TYW1: variants seen among roughly 807,000 people sequenced by gnomAD.
The protein encoded by TYW1 is tRNA-yW synthesizing protein 1 homolog.
Under a neutral mutation model 96.2 loss-of-function variants are expected in TYW1, and 46 were observed. The ratio of observed to expected loss-of-function variants is 0.48; its 90% confidence interval spans 0.38 to 0.61. TYW1 has a LOEUF of 0.61. TYW1 is among the 20% of genes least tolerant of loss of function. TYW1 has a pLI of 0.00. For missense variants in TYW1, 684 were observed against 909.6 expected (o/e 0.75, Z 3.19); for synonymous variants, 274 against 323.0 (o/e 0.85, Z 1.63).
intron 7 of TYW1, among the ~76,000 whole-genome samples, chr7:67,032,343 G>A (rs1278287291): frequency 1.3e-5 from 2 of 152,150 alleles, no homozygotes; most frequent in African/African-American, 4.8e-5. Context: ...AGGAGGCCTG[G>A]CGTGCTGAAT....
At chr7:67,155,435 C>T (rs918975433) in intron 13 of TYW1, among the ~76,000 whole-genome samples, 8 of 152,164 alleles carry the variant, frequency 5.3e-5, no homozygotes, top group East Asian at 1.9e-4. Flanking sequence ...CACCTTCCAC[C>T]GTGAGTGTAT....
In TYW1 at chr7:67,032,885, CTTTTTTTTTTTTT is replaced by C. The variant is rs778743156; in HGVS notation, c.984+7880_984+7892del. Among the ~76,000 whole-genome samples, 8 of 76,280 alleles carry C rather than the reference CTTTTTTTTTTTTT, an allele frequency of 1.0e-4. No individual in the cohort carries two copies. The South Asian group carries it at 1.9e-3, about 18-fold the overall frequency. The allele number at this position is 76,280 out of a possible 152,430, so 50.0% of individuals were successfully genotyped here. Reference sequence around the variant, plus strand: ...ATTTTCCAGCAGCAGAGAAGTATACCTTTTTTTTTTTTTTTTTTTTTTTTTTTTTGAGACAGAA... The same window carrying C: ...ATTTTCCAGCAGCAGAGAAGTATACCTTTTTTTTTTTTTTTTGAGACAGAA... On this transcript the variant is annotated intron_variant, in intron 7 of 15. Transcript: ENST00000359626.
At chr7:67,132,329 C>T (rs1403738699) in intron 13 of TYW1, among the ~76,000 whole-genome samples, 3 of 151,814 alleles carry the variant, frequency 2.0e-5, no homozygotes, top group Non-Finnish European at 4.4e-5. Context: ...AGGTTGGTCT[C>T]GAACTCCTGG....
At chr7:67,030,045 C>G (rs988083460) in intron 7 of TYW1, among the ~76,000 whole-genome samples, 28 of 152,126 alleles carry the variant, frequency 1.8e-4, no homozygotes, top group Non-Finnish European at 1.6e-4. Context: ...TGTGTCCTGT[C>G]CTCTTGGAAT....
intron 12 of TYW1, among the ~76,000 whole-genome samples, chr7:67,115,714 C>T (rs572602212): frequency 6.6e-6 from 1 of 152,292 alleles, no homozygotes; most frequent in Non-Finnish European, 1.5e-5. Flanking sequence ...TCTTGCTCTT[C>T]AAGATCTTAC....
chr7:67,156,726 C>A (rs1303389279), intron 13 of TYW1, among the ~76,000 whole-genome samples: 1 of 151,914 alleles, frequency 6.6e-6, no homozygotes, highest in Non-Finnish European at 1.5e-5. Context: ...GGCTATTGGT[C>A]TCCAGGGCAG....
intron 11 of TYW1, among the ~76,000 whole-genome samples, chr7:67,097,858 A>G (rs942233565): frequency 7.1e-6 from 1 of 140,570 alleles, no homozygotes; most frequent in Non-Finnish European, 1.5e-5. Context: ...ATGCCCAGCT[A>G]TTTTTTTTTT....
chr7:67,059,249 G>A (rs1386891473), intron 9 of TYW1, among the ~76,000 whole-genome samples: 1 of 151,188 alleles, frequency 6.6e-6, no homozygotes, highest in East Asian at 1.9e-4. Context: ...GCAGGCGCCC[G>A]CCACCACTCC....
intron 14 of TYW1, among the ~76,000 whole-genome samples, chr7:67,190,390 G>A (rs1473449857): frequency 2.6e-5 from 4 of 152,158 alleles, no homozygotes; most frequent in African/African-American, 9.7e-5. Flanking sequence ...GATTGATTTG[G>A]GGTGCCAAGA....
intron 6 of TYW1, among the ~76,000 whole-genome samples, chr7:67,020,003 T>C (rs1051163752): frequency 6.6e-6 from 1 of 152,264 alleles, no homozygotes; most frequent in African/African-American, 2.4e-5. Context: ...TTCATTCCAA[T>C]TTCATTTCAG....
At chr7:67,129,914 A>G (rs1798012379) in intron 13 of TYW1, among the ~76,000 whole-genome samples, 2 of 152,198 alleles carry the variant, frequency 1.3e-5, no homozygotes, top group Non-Finnish European at 2.9e-5. Flanking sequence ...ATTCATTTTT[A>G]TGTCGTTCCC....
intron 13 of TYW1, among the ~76,000 whole-genome samples, chr7:67,141,227 T>C (rs2116112837): frequency 6.6e-6 from 1 of 152,336 alleles, no homozygotes; most frequent in Admixed American, 6.5e-5. Flanking sequence ...CAATAAATAT[T>C]TGCTGAGTGA....
At chr7:67,161,181 TG>T (rs148436533) in intron 13 of TYW1, among the ~76,000 whole-genome samples, 1,635 of 152,336 alleles carry the variant, frequency 0.011, 9 homozygotes, top group Non-Finnish European at 0.017. Context: ...TCTTCAAAAT[TG>T]TTTTTTTCCA....
rs539735027 is a variant in TYW1 at position 67,195,303 on chromosome 7, A to T, written c.1943A>T (p.Glu648Val). The T allele has an allele frequency of 4.4e-5, 71 of 1,613,482 alleles. 2 individuals are homozygous for T. In the South Asian group the frequency reaches 7.0e-4, roughly 16 times the overall value. The change falls in exon 15 of 16, where the codon GAA (glutamate) becomes GTA (valine). Residue 648 changes from glutamate to valine, a missense_variant. Transcript: ENST00000359626. ...IPEYEIACEH[E>V]HSNCLLIAHR... is the part of the protein sequence containing the mutation. ...GAATATGAAATTGCATGTGAACACG[A>T]ACACTCTAATTGCCTCCTGATAGCA...
At chr7:67,207,303 A>G (rs977102602) in intron 15 of TYW1, among the ~76,000 whole-genome samples, 1 of 151,890 alleles carries the variant, frequency 6.6e-6, no homozygotes, top group African/African-American at 2.4e-5. Context: ...TTCCTTTCTC[A>G]TTGTCTTCCC....
intron 10 of TYW1, among the ~76,000 whole-genome samples, chr7:67,072,302 A>G (rs1403526986): frequency 6.9e-6 from 1 of 145,948 alleles, no homozygotes; most frequent in Non-Finnish European, 1.5e-5. Context: ...CCTGGAGTGC[A>G]ATGGGATGAT....
chr7:67,130,047 C>CTT (rs199782990), intron 13 of TYW1, among the ~76,000 whole-genome samples: 58 of 146,750 alleles, frequency 4.0e-4, no homozygotes, highest in Middle Eastern at 3.6e-3. Flanking sequence ...TTGATTTCTA[C>CTT]TTTTTTTTTT....
At chr7:67,013,990 G>A (rs552493032) in intron 4 of TYW1, among the ~76,000 whole-genome samples, 12 of 152,098 alleles carry the variant, frequency 7.9e-5, no homozygotes, top group East Asian at 3.9e-4. Context: ...TGATCCGCCC[G>A]CCTCAGCCTC....
In TYW1 at chr7:67,195,319, C is replaced by A. The variant is rs1268730158; in HGVS notation, c.1959C>A (p.Leu653=). The part of the protein sequence containing the change: ...IACEHEHSNC[L]LIAHRKFKIG... ...GTGAACACGAACACTCTAATTGCCTCCTGATAGCACACAGAAAGGTAAGAA... is the reference window on the plus strand; with the variant it reads ...GTGAACACGAACACTCTAATTGCCTACTGATAGCACACAGAAAGGTAAGAA... The change falls in exon 15 of 16, where the codon CTC becomes CTA. Residue 653 remains leucine, a synonymous_variant. Transcript: ENST00000359626. 1 of 1,613,414 alleles carries A rather than the reference C, an allele frequency of 6.2e-7. No individual in the cohort carries two copies. Among genetic ancestry groups the A allele is most frequent in the East Asian group, 2.2e-5 (1 of 44,864 alleles).
Sources: allele counts gnomAD v4.1 joint callset (sites outside exome capture counted in the v4.1 genomes callset), GRCh38; gene constraint gnomAD v4.1.1; transcripts MANE v1.5; gene names NCBI Gene and HGNC (gene_info 2026-07-23, HGNC 2026-07-21).